Variants in EXOC6B observed in about 807,000 individuals in gnomAD.
EXOC6B encodes SEC15 homolog B.
Under a neutral mutation model 113.5 loss-of-function variants are expected in EXOC6B, and 54 were observed. The observed-to-expected ratio is 0.48, with a 90% CI of 0.38 to 0.60. EXOC6B has a LOEUF of 0.60. EXOC6B is among the 20% of genes least tolerant of loss of function. The probability of loss-of-function intolerance (pLI) is 0.00; values close to 1 mark genes in which losing one functional copy is unlikely to be tolerated. For missense variants in EXOC6B, 797 were observed against 977.5 expected, an observed-to-expected ratio of 0.82 and a Z score of 2.46; for synonymous variants, 357 against 339.0, an observed-to-expected ratio of 1.05 and a Z score of -0.58.
intron 20 of EXOC6B, among the ~76,000 whole-genome samples, chr2:72,294,319 C>T (rs1269093105): frequency 1.3e-5 from 2 of 151,940 alleles, no homozygotes; most frequent in Admixed American, 1.3e-4. Flanking sequence ...TCATTCTACT[C>T]TCCTGTCCTC....
In EXOC6B at chr2:72,825,993, G is replaced by C; in HGVS notation, c.-83C>G. On this transcript the variant is annotated 5_prime_UTR_variant, in exon 1 of 22. Coordinates refer to ENST00000272427, the MANE Select transcript of EXOC6B (RefSeq NM_015189.3). The surrounding 1 kb of genome is among the most constrained non-coding windows in gnomAD (Gnocchi z 4.4). ...CCCCACAATGCCGCTCCCACCACAG[G>C]CTCCACAGCCGCCCCAGCCTCTGGC... 1 of 1,535,202 alleles carries C rather than the reference G, an allele frequency of 6.5e-7. No individual in the cohort carries two copies. Among genetic ancestry groups the C allele is most frequent in the East Asian group, 2.4e-5 (1 of 41,572 alleles).
chr2:72,811,672 T>C (rs1685933584), intron 1 of EXOC6B, among the ~76,000 whole-genome samples: 1 of 152,070 alleles, frequency 6.6e-6, no homozygotes, highest in Admixed American at 6.6e-5. Context: ...TCCTTAACAA[T>C]ATATCAGCAA....
chr2:72,218,892 C>T (rs1377724980), intron 20 of EXOC6B, among the ~76,000 whole-genome samples: 1 of 151,672 alleles, frequency 6.6e-6, no homozygotes, highest in Non-Finnish European at 1.5e-5. Flanking sequence ...TCGTGATCTG[C>T]CCACCTTGGC....
At chr2:72,353,012 G>A (rs1689752605) in intron 19 of EXOC6B, among the ~76,000 whole-genome samples, 1 of 152,200 alleles carries the variant, frequency 6.6e-6, no homozygotes, top group African/African-American at 2.4e-5. Context: ...AGCAAGAGCA[G>A]TGAATGCATC....
rs1244443202 is a variant in EXOC6B, at chr2:72,401,667, GTATATATATA to G, written c.1981-21807_1981-21798del. On this transcript the variant is annotated intron_variant, in intron 18 of 21. Coordinates refer to ENST00000272427, the MANE Select transcript of EXOC6B (RefSeq NM_015189.3). The stretch of plus-strand genomic sequence containing the variant: ...TATACATATATATATATATATATAT[GTATATATATA>G]TATATATATGAAAAAGAATGAAATC... Among the ~76,000 whole-genome samples, 60 of 24,088 alleles carry G rather than the reference GTATATATATA, an allele frequency of 2.5e-3. 5 individuals carry two copies. Among genetic ancestry groups the G allele is most frequent in the African/African-American group, 0.016 (53 of 3,250 alleles). 15.8% of individuals were successfully genotyped at this position (24,088 alleles called of 152,430 possible). A position where few individuals can be genotyped will look rare whatever the true frequency, so the allele number is the denominator to read the frequency against.
intron 6 of EXOC6B, among the ~76,000 whole-genome samples, chr2:72,683,518 T>C (rs894969131): frequency 6.6e-6 from 1 of 152,170 alleles, no homozygotes; most frequent in East Asian, 1.9e-4. Context: ...GATAAATAAA[T>C]GATTCCCATT....
chr2:72,527,317 T>G (rs1190506891), intron 8 of EXOC6B, among the ~76,000 whole-genome samples: 1 of 151,976 alleles, frequency 6.6e-6, no homozygotes, highest in African/African-American at 2.4e-5. Context: ...CTCTTTTGAT[T>G]AGCTTATTTC....
intron 18 of EXOC6B, among the ~76,000 whole-genome samples, chr2:72,406,005 A>G (rs1693729238): frequency 1.3e-5 from 2 of 152,208 alleles, no homozygotes; most frequent in African/African-American, 2.4e-5. Context: ...GGGATGGAGG[A>G]AGATCTACCA....
chr2:72,399,538 T>C (rs529599413), intron 18 of EXOC6B, among the ~76,000 whole-genome samples: 1 of 152,110 alleles, frequency 6.6e-6, no homozygotes, highest in Non-Finnish European at 1.5e-5. Context: ...TATGATTCTA[T>C]ACCCTAAAGA....
intron 8 of EXOC6B, among the ~76,000 whole-genome samples, chr2:72,540,653 T>C (rs1469593886): frequency 6.6e-6 from 1 of 152,178 alleles, no homozygotes; most frequent in African/African-American, 2.4e-5. Flanking sequence ...TATAGCGTAT[T>C]TTCCCAAAGG....
chr2:72,436,261 A>G lies in EXOC6B; in HGVS notation c.1980+28899T>C, dbSNP rs532362756. ...TCTGGATTGTAGGGTTTCTGCAGAG[A>G]GATCTGCTGTTAGTCTGATGGGCTT... On this transcript the variant is annotated intron_variant, in intron 18 of 21. Transcript: ENST00000272427. 2.6e-5 allele frequency among the ~76,000 whole-genome samples: 4 copies of G among 152,266 alleles called. No individual in the cohort carries two copies. In the South Asian group the frequency reaches 8.3e-4, roughly 32 times the overall value.
At chr2:72,327,564 G>A (rs1355712448) in intron 20 of EXOC6B, among the ~76,000 whole-genome samples, 1 of 151,916 alleles carries the variant, frequency 6.6e-6, no homozygotes, top group Non-Finnish European at 1.5e-5. Flanking sequence ...ATTAAATTTT[G>A]GTCTTTTCCT....
chr2:72,241,232 T>C lies in EXOC6B; in HGVS notation c.2197-57045A>G, dbSNP rs1559049885. Reference sequence around the variant, plus strand: ...TAAAAAACACACTGTAACAGAAATGTAGAATGCCTTTGATGGGGTCCTCAA... The same window carrying C: ...TAAAAAACACACTGTAACAGAAATGCAGAATGCCTTTGATGGGGTCCTCAA... On this transcript the variant is annotated intron_variant, in intron 20 of 21. Coordinates refer to ENST00000272427, the MANE Select transcript of EXOC6B (RefSeq NM_015189.3). 2.6e-5 allele frequency among the ~76,000 whole-genome samples: 4 copies of C among 152,176 alleles called. No homozygotes were observed. In the South Asian group the frequency reaches 8.3e-4, roughly 32 times the overall value.
chr2:72,505,027 T>C (rs1573278187), intron 11 of EXOC6B, among the ~76,000 whole-genome samples: 1 of 152,168 alleles, frequency 6.6e-6, no homozygotes, highest in Non-Finnish European at 1.5e-5. Context: ...ACAAATACCA[T>C]TTTTCACTAA....
intron 17 of EXOC6B, among the ~76,000 whole-genome samples, chr2:72,466,834 A>T (rs1698086471): frequency 6.6e-6 from 1 of 152,186 alleles, no homozygotes; most frequent in African/African-American, 2.4e-5. Flanking sequence ...ATTACCTCAC[A>T]TACTTATTTT....
At chr2:72,810,059 T>C (rs1573833776) in intron 1 of EXOC6B, among the ~76,000 whole-genome samples, 1 of 152,106 alleles carries the variant, frequency 6.6e-6, no homozygotes. Context: ...TCTCCAACCA[T>C]AATGAAATCA....
intron 18 of EXOC6B, chr2:72,462,142 ATATTACTCTG>A (rs1697724590): frequency 6.6e-6 from 1 of 152,108 alleles, no homozygotes; most frequent in East Asian, 1.9e-4. Flanking sequence ...AGTCTCTTTT[ATATTACTCTG>A]TGATGTTGTC....
At chr2:72,219,286 A>T (rs533475377) in intron 20 of EXOC6B, among the ~76,000 whole-genome samples, 1 of 151,884 alleles carries the variant, frequency 6.6e-6, no homozygotes, top group African/African-American at 2.4e-5. Flanking sequence ...GGGAAGGAGG[A>T]GGGGGAAGAG....
intron 1 of EXOC6B, among the ~76,000 whole-genome samples, chr2:72,810,336 AAAATAAAT>A (rs150111513): frequency 0.059 from 8,318 of 140,246 alleles, 590 homozygotes; most frequent in African/African-American, 0.17. Context: ...CCTTGTCTCT[AAAATAAAT>A]AAATAAATAA....
Sources: allele counts gnomAD v4.1 joint callset (sites outside exome capture counted in the v4.1 genomes callset), GRCh38; gene constraint gnomAD v4.1.1; non-coding constraint Gnocchi (gnomAD v3.1); transcripts MANE v1.5; gene names NCBI Gene and HGNC (gene_info 2026-07-23, HGNC 2026-07-21).